Variants in CIDEB observed in about 807,000 individuals in gnomAD.
The protein encoded by CIDEB is lipid transferase CIDEB.
A neutral mutation model predicts 22.4 loss-of-function variants in CIDEB; 27 were observed. That is an observed-to-expected ratio of 1.21 (90% confidence interval 0.89 to 1.66). CIDEB has a LOEUF of 1.66. CIDEB is among the 40% of genes most tolerant of loss of function. The pLI is 0.00. For missense variants in CIDEB, 289 were observed against 268.7 expected, an observed-to-expected ratio of 1.08 and a Z score of -0.53; for synonymous variants, 103 against 109.5, an observed-to-expected ratio of 0.94 and a Z score of 0.37.
Position 24,306,123 on chromosome 14 carries a change from T to G in CIDEB, c.351A>C (p.Ser117=). Residue 117 remains serine, a synonymous_variant, in exon 4 of 5, where the codon TCA becomes TCC. Coordinates refer to ENST00000554411, the MANE Select transcript of CIDEB (RefSeq NM_001393339.1). The stretch of plus-strand genomic sequence containing the variant: ...TGGGCCTCTCCCGTCCCAGGCCATA[T>G]GACAGCACTCCACTCTGTAGGACAC... ...SWSPTRSGVL[S]YGLGRERPKH... 6.2e-7 allele frequency: 1 copy of G among 1,613,854 alleles called. No homozygotes were observed. The highest frequency in any genetic ancestry group is 8.5e-7 in the Non-Finnish European group (1 of 1,179,870).
At chr14:24,307,766 C>T (rs963175301) in intron 1 of CIDEB, 52 bp downstream of exon 1, 102 of 1,538,352 alleles carry the variant, frequency 6.6e-5, no homozygotes, top group Non-Finnish European at 8.9e-5. Context: ...AGTATTGTTG[C>T]CCTGCCTATA....
upstream of CIDEB, chr14:24,310,482 G>T (rs996878097): frequency 1.5e-5 from 11 of 726,410 alleles, no homozygotes; most frequent in African/African-American, 1.4e-4. Flanking sequence ...TTCCAAGAAG[G>T]AGTTGTGTTT....
chr14:24,307,646 A>C, intron 1 of CIDEB, 131 bp from the exon 2 acceptor site: 1 of 1,099,050 alleles, frequency 9.1e-7, no homozygotes, highest in Non-Finnish European at 1.3e-6. Context: ...GATGAGGGAG[A>C]GACCATGGAG....
At chr14:24,308,249 G>C (rs1178260769), upstream of CIDEB, 2 of 283,008 alleles carry the variant, frequency 7.1e-6, no homozygotes, top group Admixed American at 1.0e-4. Flanking sequence ...AGAAGCTGCA[G>C]TTTATGAGTG....
intron 2 of CIDEB, chr14:24,306,843 C>T (rs953517023): frequency 1.3e-5 from 5 of 399,866 alleles, no homozygotes; most frequent in African/African-American, 8.1e-5. Flanking sequence ...ATCTACAATG[C>T]TGCACCTCAC....
intron 2 of CIDEB, 59 bp downstream of exon 2, chr14:24,307,312 C>T: frequency 6.5e-7 from 1 of 1,548,190 alleles, no homozygotes; most frequent in South Asian, 1.2e-5. Context: ...CAAGTTGCCA[C>T]TGTTGTGGAG....
At chr14:24,311,153 G>A (rs776762055), upstream of CIDEB, 7 of 1,602,148 alleles carry the variant, frequency 4.4e-6, no homozygotes, top group Non-Finnish European at 6.0e-6. Flanking sequence ...GCCACCTGTG[G>A]AGGGACCGCG....
At chr14:24,310,903 C>A (rs758414574), upstream of CIDEB, 1 of 1,592,876 alleles carries the variant, frequency 6.3e-7, no homozygotes, top group Admixed American at 1.7e-5. Flanking sequence ...CTCTTTGTGG[C>A]CTTCCTGACC....
upstream of CIDEB, chr14:24,310,355 A>AGTGGTGGT (rs1357943475): frequency 1.7e-6 from 1 of 605,422 alleles, no homozygotes; most frequent in African/African-American, 1.9e-5. Context: ...AGACTAGAGG[A>AGTGGTGGT]GTGGTGGTAG....
Position 24,305,609 on chromosome 14 carries a change from C to G in CIDEB, c.*24G>C, listed in dbSNP as rs2041473580. The G allele has an allele frequency of 2.5e-6, 4 of 1,602,916 alleles. No individual in the cohort carries two copies. Among genetic ancestry groups the G allele is most frequent in the Admixed American group, 1.7e-5 (1 of 58,238 alleles). On this transcript the variant is annotated 3_prime_UTR_variant, in exon 5 of 5. Coordinates refer to ENST00000554411, the MANE Select transcript of CIDEB (RefSeq NM_001393339.1). ...TTGCAGTGGGTCGGTTGGAATGATT[C>G]TGGGGGCAGAAGCTCAGAGCCCCTT...
intron 2 of CIDEB, 193 bp from the exon 3 acceptor site, chr14:24,306,716 CT>C: frequency 4.8e-6 from 3 of 627,002 alleles, no homozygotes; most frequent in East Asian, 2.8e-5. Context: ...AGAGGCTGAC[CT>C]TTTTCCTCTT....
chr14:24,305,785 G>A lies in CIDEB; in HGVS notation c.528-20C>T. The A allele has an allele frequency of 6.2e-7, 1 of 1,610,200 alleles. No individual in the cohort carries two copies. The highest frequency in any genetic ancestry group is 1.1e-5 in the South Asian group (1 of 90,544). ...AGCTCCCTGAATGGCAGAGACAAGA[G>A]GAAATCAGATGATTTGGAAAACTTG... On this transcript the variant is annotated intron_variant, in intron 4 of 4. Transcript: ENST00000554411.
upstream of CIDEB, chr14:24,310,773 G>C: frequency 6.2e-7 from 1 of 1,607,782 alleles, no homozygotes; most frequent in Non-Finnish European, 8.5e-7. Flanking sequence ...GGGGCTGCCT[G>C]GCAACGGCTT....
In CIDEB at chr14:24,305,303, T is replaced by A; in HGVS notation, c.*330A>T. 1 of 573,826 alleles carries A rather than the reference T, an allele frequency of 1.7e-6. No homozygotes were observed. The highest frequency in any genetic ancestry group is 3.6e-5 in the South Asian group (1 of 27,824). The allele number at this position is 573,826 out of a possible 1,614,324, so 35.5% of individuals were successfully genotyped here. ...GGGCTGTCATCAGTATGCTGGGGAG[T>A]TTAGGGACAGGAGGCATTGGTAGGG... is the stretch of plus-strand genomic sequence containing the variant. On this transcript the variant is annotated 3_prime_UTR_variant, in exon 5 of 5. Coordinates refer to ENST00000554411, the MANE Select transcript of CIDEB (RefSeq NM_001393339.1).
intron 3 of CIDEB, 61 bp downstream of exon 3, chr14:24,306,313 G>A: frequency 6.2e-7 from 1 of 1,605,444 alleles, no homozygotes; most frequent in South Asian, 1.1e-5. Context: ...AAGCTAGAGA[G>A]GAAGCCCGGG....
In CIDEB at chr14:24,305,448, A is replaced by G. The variant is rs73591411; in HGVS notation, c.*185T>C. On this transcript the variant is annotated 3_prime_UTR_variant, in exon 5 of 5. Transcript: ENST00000554411. ...TAGGAAAGAACAGCATTCTTCAGGTAAGGGTATAGACTTGGGATGTGAGGC... is the reference window on the plus strand; with the variant it reads ...TAGGAAAGAACAGCATTCTTCAGGTGAGGGTATAGACTTGGGATGTGAGGC... The G allele has an allele frequency of 3.7e-4, 255 of 690,124 alleles. No individual in the cohort carries two copies. The African/African-American group carries it at 4.3e-3, about 12-fold the overall frequency. 42.8% of individuals were successfully genotyped at this position (690,124 alleles called of 1,614,324 possible).
intron 2 of CIDEB, 97 bp downstream of exon 2, chr14:24,307,274 G>A (rs1358277802): frequency 6.0e-6 from 8 of 1,339,872 alleles, no homozygotes; most frequent in Non-Finnish European, 8.3e-6. Flanking sequence ...GGGCAGCTGT[G>A]TGACTTCAGC....
upstream of CIDEB, chr14:24,309,474 C>G (rs2041620250): frequency 6.6e-6 from 1 of 152,278 alleles, no homozygotes; most frequent in South Asian, 2.1e-4. Context: ...AGGCCCCCCT[C>G]AAATCTCTTC....
chr14:24,306,114 C>A lies in CIDEB; in HGVS notation c.360G>T (p.Leu120=). ...PTRSGVLSYG[L]GRERPKHSKD... ...TGCTGTGCTTGGGCCTCTCCCGTCC[C>A]AGGCCATATGACAGCACTCCACTCT... The change falls in exon 4 of 5, where the codon CTG becomes CTT. Residue 120 remains leucine (L), a synonymous_variant. Coordinates refer to ENST00000554411, the MANE Select transcript of CIDEB (RefSeq NM_001393339.1). 6.2e-7 allele frequency: 1 copy of A among 1,613,962 alleles called. No homozygotes were observed. The highest frequency in any genetic ancestry group is 8.5e-7 in the Non-Finnish European group (1 of 1,179,934).
Sources: allele counts gnomAD v4.1 joint callset, GRCh38; gene constraint gnomAD v4.1.1; transcripts MANE v1.5; gene names NCBI Gene and HGNC (gene_info 2026-07-23, HGNC 2026-07-21).